Variants in VSTM2L observed in about 807,000 individuals in gnomAD.
The protein encoded by VSTM2L is V-set and transmembrane domain-containing protein 2-like protein.
A neutral mutation model predicts 19.9 loss-of-function variants in VSTM2L; 9 were observed. That is an observed-to-expected ratio of 0.45 (90% CI 0.27 to 0.79). VSTM2L has a LOEUF of 0.79. Among genes scored for constraint, VSTM2L ranks in the 30% least tolerant of loss-of-function variants. The probability of loss-of-function intolerance (pLI) is 0.15; values close to 1 mark genes in which losing one functional copy is unlikely to be tolerated. For synonymous variants in VSTM2L, 127 were observed against 133.8 expected (o/e 0.95, Z 0.35); for missense variants, 286 against 295.5 (o/e 0.97, Z 0.24).
At chr20:37,924,437 CA>C (rs66991291) in intron 1 of VSTM2L, among the ~76,000 whole-genome samples, 44,467 of 150,522 alleles carry the variant, frequency 0.3, 8,495 homozygotes, top group African/African-American at 0.56. Flanking sequence ...CCTGTAATCC[CA>C]AGCTACTCGA....
intron 3 of VSTM2L, among the ~76,000 whole-genome samples, chr20:37,939,955 C>G (rs1355463304): frequency 6.6e-6 from 1 of 152,088 alleles, no homozygotes; most frequent in African/African-American, 2.4e-5. Flanking sequence ...GAGGGGGTGA[C>G]AGGGAGGAGG....
At position 37,944,537 on chromosome 20, in the gene VSTM2L, G is replaced by A. The variant is rs2072997214; in HGVS notation, c.*284G>A. ...GGGGCAGGGACCATGCTGGGGCCCG[G>A]GGCCACCCCCTTCCTGTCACCAGCT... is the stretch of plus-strand genomic sequence containing the variant. On this transcript the variant is annotated 3_prime_UTR_variant, in exon 4 of 4. Coordinates refer to ENST00000373461, the MANE Select transcript of VSTM2L (RefSeq NM_080607.3). 10 of 1,193,950 alleles carry A rather than the reference G, an allele frequency of 8.4e-6. No individual in the cohort carries two copies. Among genetic ancestry groups the A allele is most frequent in the Admixed American group, 4.3e-5 (1 of 23,010 alleles). 74.0% of individuals were successfully genotyped at this position (1,193,950 alleles called of 1,614,324 possible).
chr20:37,938,046 A>G (rs531891984), intron 3 of VSTM2L, among the ~76,000 whole-genome samples: 1 of 152,242 alleles, frequency 6.6e-6, no homozygotes, highest in South Asian at 2.1e-4. Flanking sequence ...GACATTTTGA[A>G]AAAATTGGTC....
intron 3 of VSTM2L, among the ~76,000 whole-genome samples, chr20:37,936,497 G>A (rs1205445467): frequency 6.6e-6 from 1 of 152,212 alleles, no homozygotes; most frequent in Non-Finnish European, 1.5e-5. Context: ...TACGTCAGAG[G>A]ACAGGCATAT....
chr20:37,928,191 C>G (rs1237072457), intron 1 of VSTM2L, among the ~76,000 whole-genome samples: 3 of 152,228 alleles, frequency 2.0e-5, no homozygotes, highest in Admixed American at 6.5e-5. Context: ...CCCCTGGTGC[C>G]CTGGTGCCCT....
rs5841281 is a variant in VSTM2L, at chr20:37,936,051, ATTTT to A, written c.342+2475_342+2478del. Among the ~76,000 whole-genome samples, 220 of 138,956 alleles carry A rather than the reference ATTTT, an allele frequency of 1.6e-3. 2 individuals carry two copies. The highest frequency in any genetic ancestry group is 5.5e-3 in the African/African-American group (205 of 36,964). 91.2% of individuals were successfully genotyped at this position (138,956 alleles called of 152,430 possible). A position where few individuals can be genotyped will look rare whatever the true frequency, so the allele number is the denominator to read the frequency against. ...AGGAACAGGCCACCATACCTAGCTA[ATTTT>A]TTTTTTTTTTTTGTATTTTTAGTAG... is the stretch of plus-strand genomic sequence containing the variant. On this transcript the variant is annotated intron_variant, in intron 3 of 3. Transcript: ENST00000373461.
Position 37,914,148 on chromosome 20 carries a change from C to A in VSTM2L, c.121+10677C>A, listed in dbSNP as rs568713857. 5.8e-4 allele frequency among the ~76,000 whole-genome samples: 87 copies of A among 149,180 alleles called. No individual in the cohort carries two copies. The Middle Eastern group carries it at 0.017, about 29-fold the overall frequency. On this transcript the variant is annotated intron_variant, in intron 1 of 3. Coordinates refer to ENST00000373461, the MANE Select transcript of VSTM2L (RefSeq NM_080607.3). ...GTGTGCGCGCACGAATGTGTGTGTG[C>A]GTGTGTGTATGTGTGTGGTGTGTGT...
chr20:37,930,503 G>A (rs1452318240), intron 1 of VSTM2L, among the ~76,000 whole-genome samples: 1 of 152,126 alleles, frequency 6.6e-6, no homozygotes, highest in East Asian at 1.9e-4. Context: ...CCTGCACGTT[G>A]CCAGGCGTCT....
rs1479163393 is a variant in VSTM2L at position 37,944,282 on chromosome 20, C to T, written c.*29C>T. ...GATGCCCCTGCCCCCGCCCATCCGCCCCCACGCTGTACAGAGTGCATGAGG... is the reference window on the plus strand; with the variant it reads ...GATGCCCCTGCCCCCGCCCATCCGCTCCCACGCTGTACAGAGTGCATGAGG... On this transcript the variant is annotated 3_prime_UTR_variant, in exon 4 of 4. Transcript: ENST00000373461. 28 of 1,464,178 alleles carry T rather than the reference C, an allele frequency of 1.9e-5. No homozygotes were observed. Among genetic ancestry groups the T allele is most frequent in the Non-Finnish European group, 2.5e-5 (28 of 1,100,964 alleles). 90.7% of individuals were successfully genotyped at this position (1,464,178 alleles called of 1,614,324 possible). A position where few individuals can be genotyped will look rare whatever the true frequency, so the allele number is the denominator to read the frequency against.
At chr20:37,938,130 G>A (rs1053262135) in intron 3 of VSTM2L, among the ~76,000 whole-genome samples, 1 of 151,914 alleles carries the variant, frequency 6.6e-6, no homozygotes, top group African/African-American at 2.4e-5. Flanking sequence ...CTGGGTGGGA[G>A]AAGCCCTGGA....
chr20:37,908,708 C>T (rs6096818), intron 1 of VSTM2L, among the ~76,000 whole-genome samples: 41,157 of 152,018 alleles, frequency 0.27, 7,650 homozygotes, highest in African/African-American at 0.53. Context: ...TAGGCTGAGG[C>T]GGGAGGATCA....
chr20:37,903,320 G>A lies in VSTM2L; in HGVS notation c.-31G>A. ...TGCGGTCTCCGGGGCCCAGATGTGA[G>A]GCGGCGGCGCCCCCGGCCCGAGAGC... is the stretch of plus-strand genomic sequence containing the variant. On this transcript the variant is annotated 5_prime_UTR_variant, in exon 1 of 4. Transcript: ENST00000373461. 6.4e-6 allele frequency: 9 copies of A among 1,411,934 alleles called. No homozygotes were observed. The highest frequency in any genetic ancestry group is 8.2e-6 in the Non-Finnish European group (9 of 1,091,070). The allele number at this position is 1,411,934 out of a possible 1,614,324, so 87.5% of individuals were successfully genotyped here. A position where few individuals can be genotyped will look rare whatever the true frequency, so the allele number is the denominator to read the frequency against.
Position 37,944,871 on chromosome 20 carries a change from A to T in VSTM2L, c.*618A>T. ...TCCTTCCTGTTCAGCTCCCTGTGCG[A>T]CCCTCCAGGGATGCAGGGGATCCAG... On this transcript the variant is annotated 3_prime_UTR_variant, in exon 4 of 4. Coordinates refer to ENST00000373461, the MANE Select transcript of VSTM2L (RefSeq NM_080607.3). 1.0e-6 allele frequency: 1 copy of T among 985,548 alleles called. No homozygotes were observed. The highest frequency in any genetic ancestry group is 1.2e-6 in the Non-Finnish European group (1 of 829,958). 61.1% of individuals were successfully genotyped at this position (985,548 alleles called of 1,614,324 possible).
intron 1 of VSTM2L, among the ~76,000 whole-genome samples, chr20:37,904,807 G>C (rs1442274358): frequency 6.6e-6 from 1 of 152,076 alleles, no homozygotes; most frequent in Non-Finnish European, 1.5e-5. Context: ...TGGAGAGGGG[G>C]GCTTCGAAGC....
intron 1 of VSTM2L, among the ~76,000 whole-genome samples, chr20:37,920,917 G>GATTC (rs72102953): frequency 2.3e-5 from 2 of 87,450 alleles, no homozygotes; most frequent in Non-Finnish European, 5.0e-5. Context: ...TTGATTGATT[G>GATTC]ATTCATTCAT....
Position 37,925,121 on chromosome 20 carries a change from AT to A in VSTM2L, c.122-6504del, listed in dbSNP as rs11423338. On this transcript the variant is annotated intron_variant, in intron 1 of 3. Coordinates refer to ENST00000373461, the MANE Select transcript of VSTM2L (RefSeq NM_080607.3). ...AATAGATGCTCAGGAAAGGAAATGG[AT>A]TTTTTTTTTAAACGAAGCTTTCTTT... is the stretch of plus-strand genomic sequence containing the variant. 1.7e-4 allele frequency among the ~76,000 whole-genome samples: 26 copies of A among 150,536 alleles called. No individual in the cohort carries two copies. The South Asian group carries it at 2.1e-3, about 12-fold the overall frequency.
chr20:37,940,303 C>A (rs1038406186), intron 3 of VSTM2L, among the ~76,000 whole-genome samples: 4 of 152,200 alleles, frequency 2.6e-5, no homozygotes, highest in African/African-American at 9.7e-5. Flanking sequence ...GGAGGGGGCA[C>A]CCCCACAGCC....
intron 1 of VSTM2L, among the ~76,000 whole-genome samples, chr20:37,928,996 T>C (rs1207214089): frequency 6.6e-6 from 1 of 152,220 alleles, no homozygotes; most frequent in Non-Finnish European, 1.5e-5. Context: ...GACTGCTAGC[T>C]ACTGTACTAG....
intron 3 of VSTM2L, among the ~76,000 whole-genome samples, chr20:37,938,387 G>C (rs2072952349): frequency 6.6e-6 from 1 of 152,212 alleles, no homozygotes; most frequent in South Asian, 2.1e-4. Flanking sequence ...GATAGAGGCT[G>C]ATTGCAGGGC....
Sources: gnomAD v4.1 joint callset for allele counts (sites outside exome capture counted in the v4.1 genomes callset) on GRCh38, gnomAD v4.1.1 for gene constraint, MANE v1.5 for transcripts, NCBI Gene and HGNC (gene_info 2026-07-23, HGNC 2026-07-21) for gene names.